The following ZNF804B variants were observed in gnomAD, a reference collection of about 807,000 sequenced individuals.
The protein encoded by ZNF804B is zinc finger protein 804B, also known as zinc finger 804B.
A neutral mutation model predicts 101.4 loss-of-function variants in ZNF804B; 80 were observed. The observed-to-expected ratio is 0.79, with a 90% CI of 0.66 to 0.95. The LOEUF is 0.95. Ranked by LOEUF, ZNF804B falls within the 40% of genes least tolerant of loss-of-function variation. The pLI is 0.00. For synonymous variants in ZNF804B, 622 were observed against 558.8 expected (o/e 1.11, Z -1.59); for missense variants, 1,673 against 1,561.9 (o/e 1.07, Z -1.20).
At chr7:89,117,398 A>G (rs928904780) in intron 1 of ZNF804B, among the ~76,000 whole-genome samples, 2 of 152,210 alleles carry the variant, frequency 1.3e-5, no homozygotes, top group Non-Finnish European at 2.9e-5. Context: ...TTCCAAATTC[A>G]GTATTAACCA....
intron 1 of ZNF804B, among the ~76,000 whole-genome samples, chr7:88,776,555 G>GTTTTTTTTTTTT (rs10630362): frequency 9.4e-6 from 1 of 106,456 alleles, no homozygotes; most frequent in African/African-American, 3.3e-5. Flanking sequence ...TTCTCGTGGT[G>GTTTTTTTTTTTT]TTTTGTTTTT....
In ZNF804B at chr7:89,334,497, C is replaced by A; in HGVS notation, c.1515C>A (p.Pro505=). The A allele has an allele frequency of 6.2e-7, 1 of 1,613,626 alleles. No homozygotes were observed. Among genetic ancestry groups the A allele is most frequent in the Non-Finnish European group, 8.5e-7 (1 of 1,179,814 alleles). Residue 505 remains proline (P), a synonymous_variant, in exon 4 of 4, where the codon CCC becomes CCA. Transcript: ENST00000333190. The stretch of plus-strand genomic sequence containing the variant: ...TAAAAACAGAATTGGGTAAGAAGCC[C>A]TTGGAATTGAAGACTAAAAGAGAGA... ...EDLKTELGKK[P]LELKTKRESQ...
chr7:88,805,194 G>A (rs1016186591), intron 1 of ZNF804B, among the ~76,000 whole-genome samples: 8 of 152,030 alleles, frequency 5.3e-5, no homozygotes, highest in Non-Finnish European at 1.0e-4. Context: ...AGTCAGGTAT[G>A]CCCTACTAAA....
chr7:89,267,936 G>A (rs1327310460), intron 2 of ZNF804B, among the ~76,000 whole-genome samples: 1 of 151,928 alleles, frequency 6.6e-6, no homozygotes, highest in Non-Finnish European at 1.5e-5. Flanking sequence ...TTGCACTTTA[G>A]GATAATGAAA....
chr7:89,268,789 T>A (rs887562639), intron 2 of ZNF804B, among the ~76,000 whole-genome samples: 3 of 152,052 alleles, frequency 2.0e-5, no homozygotes, highest in African/African-American at 7.2e-5. Context: ...CAGAGGAATT[T>A]TCATAGTATT....
intron 2 of ZNF804B, among the ~76,000 whole-genome samples, chr7:89,275,970 A>C (rs1042510942): frequency 6.6e-6 from 1 of 151,920 alleles, no homozygotes; most frequent in Non-Finnish European, 1.5e-5. Flanking sequence ...CATAAACACC[A>C]TGGAATACTA....
chr7:89,309,135 C>T (rs950946334), intron 2 of ZNF804B, among the ~76,000 whole-genome samples: 11 of 152,050 alleles, frequency 7.2e-5, no homozygotes, highest in Non-Finnish European at 1.6e-4. Flanking sequence ...ACCCTTGCCC[C>T]CTTCCCTTCC....
chr7:89,324,394 T>A (rs1247371151), intron 2 of ZNF804B, among the ~76,000 whole-genome samples: 1 of 151,900 alleles, frequency 6.6e-6, no homozygotes, highest in Non-Finnish European at 1.5e-5. Context: ...TGTTCTTACA[T>A]TCTTTTCTTT....
intron 1 of ZNF804B, among the ~76,000 whole-genome samples, chr7:89,140,333 A>C (rs1396822771): frequency 6.6e-6 from 1 of 152,072 alleles, no homozygotes; most frequent in East Asian, 1.9e-4. Flanking sequence ...GCTTCAACTT[A>C]TAGGTGCTTT....
At chr7:89,167,133 T>C (rs1329758418) in intron 1 of ZNF804B, among the ~76,000 whole-genome samples, 3 of 152,084 alleles carry the variant, frequency 2.0e-5, no homozygotes, top group Non-Finnish European at 4.4e-5. Context: ...GCTAGTTTTT[T>C]TGAATTGCCA....
intron 1 of ZNF804B, among the ~76,000 whole-genome samples, chr7:89,027,940 C>G (rs1245495457): frequency 6.6e-6 from 1 of 152,138 alleles, no homozygotes; most frequent in African/African-American, 2.4e-5. Flanking sequence ...TTTCTGCAGA[C>G]AAAGAAGGCT....
intron 1 of ZNF804B, among the ~76,000 whole-genome samples, chr7:89,124,801 T>C (rs953484807): frequency 2.6e-5 from 4 of 151,990 alleles, no homozygotes; most frequent in Non-Finnish European, 5.9e-5. Flanking sequence ...TGGTGACTAA[T>C]AGAATTTTTT....
chr7:88,835,470 C>A (rs1419523909), intron 1 of ZNF804B, among the ~76,000 whole-genome samples: 3 of 151,856 alleles, frequency 2.0e-5, no homozygotes, highest in African/African-American at 7.3e-5. Flanking sequence ...ATATATCAAA[C>A]CTATTCCTGA....
chr7:89,075,893 T>C (rs1196719596), intron 1 of ZNF804B, among the ~76,000 whole-genome samples: 1 of 152,212 alleles, frequency 6.6e-6, no homozygotes, highest in Non-Finnish European at 1.5e-5. Flanking sequence ...GGAGATCATT[T>C]TGAAGCTTTA....
intron 1 of ZNF804B, among the ~76,000 whole-genome samples, chr7:88,802,156 G>A (rs10952931): frequency 0.11 from 16,152 of 152,074 alleles, 1,371 homozygotes; most frequent in East Asian, 0.31. Flanking sequence ...TTCACCTTCT[G>A]CCATGACTGC....
intron 1 of ZNF804B, among the ~76,000 whole-genome samples, chr7:88,819,182 G>T (rs1397083285): frequency 3.3e-5 from 5 of 152,102 alleles, no homozygotes; most frequent in Non-Finnish European, 7.3e-5. Flanking sequence ...GGAATGCAGT[G>T]GCGCGATCGT....
At chr7:89,249,060 A>G (rs1789497378) in intron 2 of ZNF804B, among the ~76,000 whole-genome samples, 2 of 150,736 alleles carry the variant, frequency 1.3e-5, no homozygotes, top group South Asian at 4.2e-4. Flanking sequence ...AAAGAAGGGC[A>G]TTACATAATA....
rs561331752 is a variant in ZNF804B at position 88,807,564 on chromosome 7, T to C, written c.108+47480T>C. 2.6e-5 allele frequency among the ~76,000 whole-genome samples: 4 copies of C among 152,334 alleles called. No individual in the cohort carries two copies. The South Asian group carries it at 8.3e-4, about 32-fold the overall frequency. ...AATCAGTGTGTCTGAAGCCAGCATCTATTTATCTTAAATTAATCATTTTTT... is the reference window on the plus strand; with the variant it reads ...AATCAGTGTGTCTGAAGCCAGCATCCATTTATCTTAAATTAATCATTTTTT... On this transcript the variant is annotated intron_variant, in intron 1 of 3. Coordinates refer to ENST00000333190, the MANE Select transcript of ZNF804B (RefSeq NM_181646.5).
chr7:89,180,233 G>T (rs564162633), intron 1 of ZNF804B, among the ~76,000 whole-genome samples: 13 of 152,184 alleles, frequency 8.5e-5, no homozygotes, highest in Non-Finnish European at 1.2e-4. Flanking sequence ...GTCTTTCTCT[G>T]CAGGGCAACA....
Sources: gnomAD v4.1 joint callset for allele counts (sites outside exome capture counted in the v4.1 genomes callset) on GRCh38, gnomAD v4.1.1 for gene constraint, MANE v1.5 for transcripts, NCBI Gene and HGNC (gene_info 2026-07-23, HGNC 2026-07-21) for gene names.